CHAT: variants seen among roughly 807,000 people sequenced by gnomAD.
The protein encoded by CHAT is acetyl CoA:choline O-acetyltransferase.
A neutral mutation model predicts 76.9 loss-of-function variants in CHAT; 61 were observed. The observed-to-expected ratio is 0.79, with a 90% CI of 0.65 to 0.98. The LOEUF is 0.98. Among genes scored for constraint, CHAT ranks in the 50% least tolerant of loss-of-function variants. CHAT has a pLI of 0.00. For synonymous variants in CHAT, 407 were observed against 397.4 expected (o/e 1.02, Z -0.29); for missense variants, 946 against 986.9 (o/e 0.96, Z 0.56).
chr10:49,642,903 C>T (rs1312150136), intron 7 of CHAT, among the ~76,000 whole-genome samples: 4 of 152,234 alleles, frequency 2.6e-5, no homozygotes, highest in African/African-American at 9.6e-5. Flanking sequence ...TCTGACCACA[C>T]TGAGCTCTTC....
In CHAT at chr10:49,620,606, C is replaced by A. The variant is rs1838671116; in HGVS notation, c.691C>A (p.Gln231Lys). 1.2e-6 allele frequency: 2 copies of A among 1,611,650 alleles called. No homozygotes were observed. The highest frequency in any genetic ancestry group is 1.1e-5 in the South Asian group (1 of 91,038). The change falls in exon 4 of 15, where the codon CAG becomes AAG. Residue 231 changes from glutamine (Q) to lysine (K), a missense_variant. By Grantham distance (53) the Gln-to-Lys change is moderately conservative. Transcript: ENST00000337653. ...ARQHFPGTDD[Q>K]LRFAASLISG... ...GCAGCACTTCCCTGGCACCGATGAC[C>A]AGCTGAGGTGAGGCCTTGGTGCTCC...
At chr10:49,630,393 A>G (rs977786257) in intron 7 of CHAT, among the ~76,000 whole-genome samples, 1 of 146,864 alleles carries the variant, frequency 6.8e-6, no homozygotes, top group African/African-American at 2.5e-5. Context: ...TGGAGGAGGA[A>G]CAGGACACAG....
chr10:49,662,935 TAGA>T (rs1338825125), intron 14 of CHAT, among the ~76,000 whole-genome samples, 153 bp downstream of exon 14: 12 of 152,212 alleles, frequency 7.9e-5, no homozygotes, highest in Admixed American at 7.9e-4. Flanking sequence ...GAATGTTCAT[TAGA>T]AGATGGTTTA....
chr10:49,641,889 TCTC>T (rs1681921778), intron 7 of CHAT, among the ~76,000 whole-genome samples: 1 of 152,174 alleles, frequency 6.6e-6, no homozygotes, highest in Non-Finnish European at 1.5e-5. Flanking sequence ...TTAAAGAACA[TCTC>T]CTGAGTCTTG....
chr10:49,616,166 A>T, intron 1 of CHAT: 2 of 1,430,034 alleles, frequency 1.4e-6, no homozygotes, highest in Non-Finnish European at 2.0e-6. Flanking sequence ...ATTGGGTTCC[A>T]GGCAGGAACA....
At chr10:49,653,402 ATGAACGGTAAAGCTC>A (rs1411674395) in intron 11 of CHAT, among the ~76,000 whole-genome samples, 1 of 148,752 alleles carries the variant, frequency 6.7e-6, no homozygotes, top group Non-Finnish European at 1.5e-5. Flanking sequence ...ACTGCCTGCT[ATGAACGGTAAAGCTC>A]TGCCCTCCAA....
rs1478892975 is a variant in CHAT, at chr10:49,648,488, T to C, written c.1282-19T>C. On this transcript the variant is annotated intron_variant, in intron 8 of 14. Coordinates refer to ENST00000337653, the MANE Select transcript of CHAT (RefSeq NM_020549.5). ...TGCTGACTCTCCCATGATCGCCCACTCCCTCTTTCCTGTTGCAGTTTGTGG... is the reference window on the plus strand; with the variant it reads ...TGCTGACTCTCCCATGATCGCCCACCCCCTCTTTCCTGTTGCAGTTTGTGG... 6.2e-7 allele frequency: 1 copy of C among 1,605,224 alleles called. No homozygotes were observed. The highest frequency in any genetic ancestry group is 1.3e-5 in the African/African-American group (1 of 74,720).
At chr10:49,648,751 A>G (rs1187651427) in intron 9 of CHAT, 144 bp downstream of exon 9, 1 of 665,588 alleles carries the variant, frequency 1.5e-6, no homozygotes, top group Non-Finnish European at 2.7e-6. Context: ...ACACACACAC[A>G]CACACACGAT....
At chr10:49,610,824 C>A (rs772550055), upstream of CHAT, 2 of 1,606,592 alleles carry the variant, frequency 1.2e-6, no homozygotes, top group Non-Finnish European at 1.7e-6. Flanking sequence ...TGCAGGAGCC[C>A]CGGCGGCAGA....
At chr10:49,645,862 C>G (rs1839643416) in intron 7 of CHAT, among the ~76,000 whole-genome samples, 1 of 152,156 alleles carries the variant, frequency 6.6e-6, no homozygotes, top group African/African-American at 2.4e-5. Flanking sequence ...TCCTTTGGAT[C>G]CATGAGTCCA....
At chr10:49,612,360 C>T, upstream of CHAT, 1 of 1,561,106 alleles carries the variant, frequency 6.4e-7, no homozygotes, top group Non-Finnish European at 8.7e-7. Context: ...CCTCCTCCAG[C>T]CCACCCAACC....
At chr10:49,648,771 A>G (rs1173140260) in intron 9 of CHAT, among the ~76,000 whole-genome samples, 164 bp downstream of exon 9, 1 of 151,334 alleles carries the variant, frequency 6.6e-6, no homozygotes, top group Admixed American at 6.6e-5. Flanking sequence ...TGAATTTGAA[A>G]CCCAGCTTTG....
Position 49,665,224 on chromosome 10 carries a change from C to T in CHAT, c.*178C>T. Reference sequence around the variant, plus strand: ...TGTTAGGAGGAAAGGGTCCCCTCTTCATGCATGGGAATCATCATTTTCAAG... The same window carrying T: ...TGTTAGGAGGAAAGGGTCCCCTCTTTATGCATGGGAATCATCATTTTCAAG... On this transcript the variant is annotated 3_prime_UTR_variant, in exon 15 of 15. Transcript: ENST00000337653. 2.8e-6 allele frequency: 2 copies of T among 712,914 alleles called. No homozygotes were observed. Among genetic ancestry groups the T allele is most frequent in the South Asian group, 1.6e-5 (1 of 60,998 alleles). The allele number at this position is 712,914 out of a possible 1,614,324, so 44.2% of individuals were successfully genotyped here.
intron 7 of CHAT, among the ~76,000 whole-genome samples, chr10:49,643,377 T>C (rs1839551459): frequency 6.6e-6 from 1 of 152,126 alleles, no homozygotes; most frequent in South Asian, 2.1e-4. Context: ...CCACCCTCCA[T>C]CCACCACCCT....
intron 7 of CHAT, 67 bp downstream of exon 7, chr10:49,627,852 C>T: frequency 6.5e-7 from 1 of 1,549,672 alleles, no homozygotes; most frequent in Non-Finnish European, 8.7e-7. Context: ...TTTCCCTCCT[C>T]TAGGGTTGGG....
At chr10:49,640,720 G>A (rs1203145203) in intron 7 of CHAT, among the ~76,000 whole-genome samples, 1 of 152,142 alleles carries the variant, frequency 6.6e-6, no homozygotes, top group Non-Finnish European at 1.5e-5. Flanking sequence ...TGCTGGGGGA[G>A]GGAGGGATGA....
At chr10:49,627,574 A>C (rs1454617700) in intron 6 of CHAT, 34 bp from the exon 7 acceptor site, 1 of 1,613,014 alleles carries the variant, frequency 6.2e-7, no homozygotes, top group South Asian at 1.1e-5. Flanking sequence ...CGGGCCACCC[A>C]ACAAGTGACA....
upstream of CHAT, chr10:49,611,560 G>A (rs1838297655): frequency 4.4e-6 from 7 of 1,605,616 alleles, no homozygotes; most frequent in Middle Eastern, 1.7e-4. Flanking sequence ...ACGGGCTCGG[G>A]CCAACCTGCC....
At chr10:49,639,811 T>C (rs1839420366) in intron 7 of CHAT, among the ~76,000 whole-genome samples, 1 of 152,120 alleles carries the variant, frequency 6.6e-6, no homozygotes, top group African/African-American at 2.4e-5. Context: ...GTTTCTGCTC[T>C]GCCCTCTTTC....
Sources: allele counts gnomAD v4.1 joint callset (sites outside exome capture counted in the v4.1 genomes callset), GRCh38; gene constraint gnomAD v4.1.1; transcripts MANE v1.5; gene names NCBI Gene and HGNC (gene_info 2026-07-23, HGNC 2026-07-21).